SLC6A5: variants seen among roughly 807,000 people sequenced by gnomAD.
SLC6A5 encodes the protein sodium- and chloride-dependent glycine transporter 2.
In SLC6A5, 58 loss-of-function variants were observed where a neutral mutation model predicts 90.5. The observed-to-expected ratio is 0.64, with a 90% CI of 0.52 to 0.80. The LOEUF is 0.80. SLC6A5 is among the 30% of genes least tolerant of loss of function. The pLI, the probability that SLC6A5 is intolerant of heterozygous loss-of-function variation, is 0.00. For synonymous variants in SLC6A5, 427 were observed against 401.4 expected, an observed-to-expected ratio of 1.06 and a Z score of -0.76; for missense variants, 1,015 against 1,017.6, an observed-to-expected ratio of 1.00 and a Z score of 0.03.
intron 5 of SLC6A5, among the ~76,000 whole-genome samples, chr11:20,610,340 G>A (rs1401833434): frequency 6.6e-6 from 1 of 152,210 alleles, no homozygotes; most frequent in African/African-American, 2.4e-5. Flanking sequence ...TTGGGGCTGC[G>A]GAGCGAGCGA....
chr11:20,612,820 A>G (rs1364249923), intron 5 of SLC6A5, among the ~76,000 whole-genome samples: 1 of 152,184 alleles, frequency 6.6e-6, no homozygotes, highest in Non-Finnish European at 1.5e-5. Flanking sequence ...CTGCCCAGCC[A>G]CTTTTTGTTA....
chr11:20,623,707 T>G (rs931340955), intron 7 of SLC6A5, among the ~76,000 whole-genome samples: 17 of 152,056 alleles, frequency 1.1e-4, no homozygotes, highest in Non-Finnish European at 2.4e-4. Flanking sequence ...GCCCCCTCTC[T>G]TGCCACACTG....
chr11:20,629,599 A>G (rs1485034508), intron 9 of SLC6A5, among the ~76,000 whole-genome samples: 1 of 152,212 alleles, frequency 6.6e-6, no homozygotes, highest in Non-Finnish European at 1.5e-5. Flanking sequence ...AATCAGGGTA[A>G]TTAGCATATC....
chr11:20,616,210 G>GGA (rs1852780717), intron 6 of SLC6A5, among the ~76,000 whole-genome samples: 1 of 152,268 alleles, frequency 6.6e-6, no homozygotes, highest in Admixed American at 6.5e-5. Flanking sequence ...AGAACAGAAG[G>GGA]GAGAGTTACC....
In SLC6A5 at chr11:20,656,796, C is replaced by T. The variant is rs1418591223; in HGVS notation, c.*1928C>T. 2.6e-5 allele frequency: 4 copies of T among 152,134 alleles called. No homozygotes were observed. The allele number at this position is 152,134 out of a possible 1,614,324, so 9.4% of individuals were successfully genotyped here. A position where few individuals can be genotyped will look rare whatever the true frequency, so the allele number is the denominator to read the frequency against. On this transcript the variant is annotated 3_prime_UTR_variant, in exon 16 of 16. Transcript: ENST00000525748. ...GCTTGAGTCTATCATAGAGACTAAA[C>T]CTTGAGCTTCCCCTAAACTTAGCTT...
At chr11:20,654,671 G>A (rs1376827366) in intron 15 of SLC6A5, 42 bp from the exon 16 acceptor site, 3 of 1,608,992 alleles carry the variant, frequency 1.9e-6, no homozygotes, top group African/African-American at 1.3e-5. Context: ...TGAGGAAGGT[G>A]CACTACTTCT....
intron 5 of SLC6A5, among the ~76,000 whole-genome samples, chr11:20,608,039 G>A (rs370370800): frequency 3.9e-5 from 6 of 152,266 alleles, no homozygotes; most frequent in East Asian, 3.9e-4. Context: ...TAGAAGCCCC[G>A]CCCTAGCCTT....
chr11:20,601,442 C>G lies in SLC6A5; in HGVS notation c.317C>G (p.Ser106Trp), dbSNP rs764784175. ...DLREAQGAQA[S>W]PPPGSSGPGN... is the part of the protein sequence containing the mutation. The stretch of plus-strand genomic sequence containing the variant: ...AGAGAGGCGCAAGGCGCGCAGGCCT[C>G]GCCCCCTCCCGGGAGCTCCGGGCCC... The change falls in exon 2 of 16, where the codon TCG (serine) becomes TGG (tryptophan). Residue 106 changes from serine (S) to tryptophan (W), a missense_variant. Coordinates refer to ENST00000525748, the MANE Select transcript of SLC6A5 (RefSeq NM_004211.5). The G allele has an allele frequency of 2.4e-5, 38 of 1,607,190 alleles. No homozygotes were observed. Among genetic ancestry groups the G allele is most frequent in the Non-Finnish European group, 3.1e-5 (37 of 1,177,080 alleles).
chr11:20,603,213 G>A (rs1390693653), intron 2 of SLC6A5, among the ~76,000 whole-genome samples: 1 of 152,116 alleles, frequency 6.6e-6, no homozygotes. Context: ...AGGAGGTGAA[G>A]GGTGACTGAG....
chr11:20,607,344 C>T, intron 4 of SLC6A5, 135 bp from the exon 5 acceptor site: 1 of 1,188,532 alleles, frequency 8.4e-7, no homozygotes, highest in Non-Finnish European at 1.2e-6. Flanking sequence ...CCCTGGTAGA[C>T]ATACAGTCCA....
intron 10 of SLC6A5, among the ~76,000 whole-genome samples, chr11:20,633,871 T>C (rs1853152485): frequency 6.6e-6 from 1 of 152,036 alleles, no homozygotes; most frequent in Admixed American, 6.5e-5. Flanking sequence ...TACAGCCAGT[T>C]TGTTTTTTGT....
rs367814347 is a variant in SLC6A5, at chr11:20,647,967, G to A, written c.2070+1033G>A. On this transcript the variant is annotated intron_variant, in intron 14 of 15. Coordinates refer to ENST00000525748, the MANE Select transcript of SLC6A5 (RefSeq NM_004211.5). ...CTTCTTAAAGATCAGAGCCTTTCAC[G>A]TTTCAGAAAATCTGCAGTTCAGGGT... is the stretch of plus-strand genomic sequence containing the variant. Among the ~76,000 whole-genome samples the A allele has an allele frequency of 5.8e-4, 89 of 152,272 alleles. 1 individual carries two copies. Among genetic ancestry groups the A allele is most frequent in the Admixed American group, 2.2e-3 (33 of 15,296 alleles).
intron 6 of SLC6A5, among the ~76,000 whole-genome samples, chr11:20,615,620 G>A (rs537336425): frequency 6.6e-6 from 1 of 152,276 alleles, no homozygotes; most frequent in South Asian, 2.1e-4. Context: ...GCTTGCCACG[G>A]CCTCCCAAAG....
intron 13 of SLC6A5, among the ~76,000 whole-genome samples, chr11:20,644,929 G>A (rs1243030788): frequency 2.6e-5 from 4 of 151,406 alleles, no homozygotes; most frequent in Admixed American, 6.6e-5. Flanking sequence ...CTTCTGCCTC[G>A]GGCTCCCAAG....
rs3781745 is a variant in SLC6A5, at chr11:20,613,838, A to C, written c.986-841A>C. Among the ~76,000 whole-genome samples the C allele has an allele frequency of 0.027, 4,034 of 151,860 alleles. 424 individuals are homozygous for C. The East Asian group carries it at 0.35, about 13-fold the overall frequency. On this transcript the variant is annotated intron_variant, in intron 5 of 15. Transcript: ENST00000525748. ...TCATGCCTGGCTAAGGGACTGAACA[A>C]TTCTTTGTTGTGGGGGGCTGTCCTG...
At chr11:20,629,278 C>T (rs531720018) in intron 9 of SLC6A5, 1 of 152,334 alleles carries the variant, frequency 6.6e-6, no homozygotes, top group East Asian at 1.9e-4. Flanking sequence ...TGTGTCCCAA[C>T]TCCAGGCTAC....
At chr11:20,626,190 A>C (rs1852989854) in intron 7 of SLC6A5, among the ~76,000 whole-genome samples, 1 of 152,356 alleles carries the variant, frequency 6.6e-6, no homozygotes, top group Non-Finnish European at 1.5e-5. Flanking sequence ...GTCTAAGGTC[A>C]CACAGCTAGT....
chr11:20,622,999 C>T (rs376061310), intron 7 of SLC6A5, among the ~76,000 whole-genome samples: 14 of 152,172 alleles, frequency 9.2e-5, no homozygotes, highest in East Asian at 7.7e-4. Flanking sequence ...CTAACATCCA[C>T]GTGTGGAAGG....
At chr11:20,604,723 G>A (rs930458826) in intron 3 of SLC6A5, among the ~76,000 whole-genome samples, 1 of 152,188 alleles carries the variant, frequency 6.6e-6, no homozygotes, top group Non-Finnish European at 1.5e-5. Context: ...AAGCACGGGT[G>A]CTAGCGGTCA....
Sources: gnomAD v4.1 joint callset for allele counts (sites outside exome capture counted in the v4.1 genomes callset) on GRCh38, gnomAD v4.1.1 for gene constraint, MANE v1.5 for transcripts, NCBI Gene and HGNC (gene_info 2026-07-23, HGNC 2026-07-21) for gene names.